Variants in VPS54 observed in about 807,000 individuals in gnomAD.
VPS54 encodes vacuolar protein sorting-associated protein 54.
Under a neutral mutation model 121.5 loss-of-function variants are expected in VPS54, and 45 were observed. The ratio of observed to expected loss-of-function variants is 0.37; its 90% CI spans 0.29 to 0.47. The LOEUF is 0.47. VPS54 is among the 20% of genes least tolerant of loss of function. The pLI is 0.99. For missense variants in VPS54, 1,090 were observed against 1,131.4 expected, an observed-to-expected ratio of 0.96 and a Z score of 0.52; for synonymous variants, 371 against 385.8, an observed-to-expected ratio of 0.96 and a Z score of 0.45.
chr2:63,970,210 TATAC>T (rs67744902), intron 4 of VPS54, among the ~76,000 whole-genome samples: 11,489 of 101,404 alleles, frequency 0.11, 730 homozygotes, highest in Middle Eastern at 0.19. Flanking sequence ...AAAATATATA[TATAC>T]ACACACACAC....
rs1675611082 is a variant in VPS54 at position 63,958,677 on chromosome 2, T to C, written c.1010+3381A>G. 3.3e-5 allele frequency among the ~76,000 whole-genome samples: 5 copies of C among 152,118 alleles called. No homozygotes were observed. In the South Asian group the frequency reaches 8.3e-4, roughly 25 times the overall value. On this transcript the variant is annotated intron_variant, in intron 7 of 22. Transcript: ENST00000272322. ...CTATAGTTGAGCTATGATCGCACCA[T>C]TGCACTCCAGCCTGGGTGACAGGGC...
intron 1 of VPS54, among the ~76,000 whole-genome samples, chr2:64,011,911 T>A (rs1326989158): frequency 2.6e-5 from 4 of 152,198 alleles, no homozygotes; most frequent in African/African-American, 7.2e-5. Flanking sequence ...CAAGGAATTT[T>A]CATTTTAGGG....
chr2:64,005,339 G>C (rs369010561), intron 1 of VPS54, among the ~76,000 whole-genome samples: 11 of 151,792 alleles, frequency 7.2e-5, no homozygotes, highest in African/African-American at 2.2e-4. Context: ...TCCTGACCTT[G>C]TGATCCGCCC....
At chr2:63,938,059 G>GGTTTGTGTGTGTGTGT in intron 11 of VPS54, among the ~76,000 whole-genome samples, 1 of 140,478 alleles carries the variant, frequency 7.1e-6, no homozygotes, top group African/African-American at 2.8e-5. Context: ...TGGTGTGTGT[G>GGTTTGTGTGTGTGTGT]GTGTGTGTGT....
At chr2:63,924,156 A>T (rs1156270478) in intron 12 of VPS54, among the ~76,000 whole-genome samples, 2 of 152,238 alleles carry the variant, frequency 1.3e-5, no homozygotes, top group Non-Finnish European at 2.9e-5. Flanking sequence ...GACTGCATCC[A>T]GTTTAAAAGG....
At chr2:64,003,009 T>G (rs992443563) in intron 1 of VPS54, among the ~76,000 whole-genome samples, 15 of 152,198 alleles carry the variant, frequency 9.9e-5, no homozygotes, top group Admixed American at 2.0e-4. Context: ...AAGATGTAGA[T>G]GTACAGACAA....
rs557121062 is a variant in VPS54 at position 63,945,396 on chromosome 2, G to A, written c.1246-741C>T. 3.2e-4 allele frequency among the ~76,000 whole-genome samples: 48 copies of A among 152,292 alleles called. No individual in the cohort carries two copies. In the South Asian group the frequency reaches 9.3e-3, roughly 30 times the overall value. On this transcript the variant is annotated intron_variant, in intron 9 of 22. Transcript: ENST00000272322. ...CACACGGTGGAGACTATTGGAGAGT[G>A]GAGGGTGGGAGGAGAGAAATGACCA...
intron 12 of VPS54, among the ~76,000 whole-genome samples, chr2:63,929,786 A>G (rs1674098234): frequency 6.6e-6 from 1 of 151,990 alleles, no homozygotes; most frequent in African/African-American, 2.4e-5. Context: ...TAATAAGAAG[A>G]GAAAGAAAAA....
chr2:63,897,636 G>T, intron 21 of VPS54, 46 bp from the exon 22 acceptor site: 1 of 1,121,554 alleles, frequency 8.9e-7, no homozygotes, highest in Non-Finnish European at 1.3e-6. Context: ...TACTGAAATA[G>T]AAGATATCTG....
At chr2:63,993,823 T>C (rs1677446444) in intron 1 of VPS54, among the ~76,000 whole-genome samples, 1 of 152,254 alleles carries the variant, frequency 6.6e-6, no homozygotes, top group East Asian at 1.9e-4. Flanking sequence ...TGTTCACTGA[T>C]GGCTCCAGTA....
At chr2:63,989,755 C>G (rs947539799) in intron 1 of VPS54, among the ~76,000 whole-genome samples, 2 of 152,174 alleles carry the variant, frequency 1.3e-5, no homozygotes, top group African/African-American at 4.8e-5. Context: ...ATATTACACT[C>G]TGGTTAAAAC....
intron 21 of VPS54, among the ~76,000 whole-genome samples, chr2:63,899,146 T>C (rs1437953287): frequency 6.6e-6 from 1 of 152,222 alleles, no homozygotes; most frequent in Non-Finnish European, 1.5e-5. Flanking sequence ...TGCTACTCAT[T>C]GATAAAGGCC....
intron 16 of VPS54, among the ~76,000 whole-genome samples, 175 bp from the exon 17 acceptor site, chr2:63,914,462 A>T (rs1673289969): frequency 6.6e-6 from 1 of 152,228 alleles, no homozygotes; most frequent in African/African-American, 2.4e-5. Flanking sequence ...CTTGACTAAC[A>T]CAAGACAAGA....
intron 11 of VPS54, among the ~76,000 whole-genome samples, chr2:63,941,106 T>C (rs992741719): frequency 1.3e-5 from 2 of 152,252 alleles, no homozygotes; most frequent in Non-Finnish European, 2.9e-5. Context: ...CTGGGGATGT[T>C]AACTAGTACA....
At chr2:63,938,510 G>T (rs572777569) in intron 11 of VPS54, among the ~76,000 whole-genome samples, 32 of 152,148 alleles carry the variant, frequency 2.1e-4, no homozygotes, top group African/African-American at 7.7e-4. Flanking sequence ...TGTCACCCAA[G>T]CTGGAGTGCA....
At chr2:63,955,832 T>C (rs1446979663) in intron 7 of VPS54, among the ~76,000 whole-genome samples, 1 of 152,116 alleles carries the variant, frequency 6.6e-6, no homozygotes, top group African/African-American at 2.4e-5. Context: ...ATAATAATGA[T>C]GTATGCATTA....
At chr2:64,015,569 A>G (rs1678644890) in intron 1 of VPS54, among the ~76,000 whole-genome samples, 1 of 152,176 alleles carries the variant, frequency 6.6e-6, no homozygotes, top group Admixed American at 6.5e-5. Context: ...ATTGTAGGGT[A>G]TTTAGCAACA....
At chr2:63,914,403 C>T in intron 16 of VPS54, 116 bp from the exon 17 acceptor site, 1 of 701,038 alleles carries the variant, frequency 1.4e-6, no homozygotes, top group Non-Finnish European at 2.5e-6. Flanking sequence ...ATATAATGAC[C>T]TTGGTAACTA....
chr2:63,961,998 TCA>T, intron 7 of VPS54, 58 bp downstream of exon 7: 1 of 1,451,590 alleles, frequency 6.9e-7, no homozygotes, highest in Non-Finnish European at 9.2e-7. Flanking sequence ...CATTACATGC[TCA>T]ATTTTATCCT....
Sources: gnomAD v4.1 joint callset for allele counts (sites outside exome capture counted in the v4.1 genomes callset) on GRCh38, gnomAD v4.1.1 for gene constraint, MANE v1.5 for transcripts, NCBI Gene and HGNC (gene_info 2026-07-23, HGNC 2026-07-21) for gene names.